The following FRMD5 variants were observed in gnomAD, a reference collection of about 807,000 sequenced individuals.
FRMD5 encodes FERM domain-containing protein 5.
A neutral mutation model predicts 69.0 loss-of-function variants in FRMD5; 20 were observed. The observed-to-expected ratio is 0.29, with a 90% CI of 0.20 to 0.42. The LOEUF is 0.42. FRMD5 is among the 10% of genes least tolerant of loss of function. FRMD5 has a pLI of 1.00. For missense variants in FRMD5, 595 were observed against 708.6 expected, an observed-to-expected ratio of 0.84 and a Z score of 1.82; for synonymous variants, 271 against 260.1, an observed-to-expected ratio of 1.04 and a Z score of -0.40.
At chr15:43,949,836 C>T (rs1379519350) in intron 1 of FRMD5, among the ~76,000 whole-genome samples, 1 of 152,062 alleles carries the variant, frequency 6.6e-6, no homozygotes, top group Non-Finnish European at 1.5e-5. Context: ...GAAGTGATCT[C>T]TCAAGTCGTG....
chr15:43,921,051 G>A (rs773673842), intron 2 of FRMD5, among the ~76,000 whole-genome samples: 21 of 152,160 alleles, frequency 1.4e-4, no homozygotes, highest in South Asian at 6.2e-4. Context: ...GAGTTCCCAC[G>A]AGGCTGGCAA....
At chr15:44,162,861 C>T (rs1369219488) in intron 1 of FRMD5, among the ~76,000 whole-genome samples, 1 of 127,482 alleles carries the variant, frequency 7.8e-6, no homozygotes, top group Non-Finnish European at 1.6e-5. Flanking sequence ...GAGCGAAACT[C>T]CGTCTCAAAA....
intron 4 of FRMD5, among the ~76,000 whole-genome samples, chr15:43,912,372 T>A (rs1290487849): frequency 6.6e-6 from 1 of 152,190 alleles, no homozygotes; most frequent in Non-Finnish European, 1.5e-5. Flanking sequence ...GTCTTCACTC[T>A]GCTTCCCACA....
chr15:44,104,003 T>C (rs1039588122), intron 1 of FRMD5, among the ~76,000 whole-genome samples: 3 of 152,190 alleles, frequency 2.0e-5, no homozygotes, highest in Middle Eastern at 6.3e-3. Flanking sequence ...ATAATAGCAA[T>C]GACTATTACT....
chr15:44,055,681 T>C (rs940275832), intron 1 of FRMD5, among the ~76,000 whole-genome samples: 1 of 152,200 alleles, frequency 6.6e-6, no homozygotes, highest in African/African-American at 2.4e-5. Context: ...AAAGTAGCTG[T>C]GGTGCTCTGT....
chr15:43,958,732 G>C (rs1595560538), intron 1 of FRMD5, among the ~76,000 whole-genome samples: 1 of 152,306 alleles, frequency 6.6e-6, no homozygotes, highest in East Asian at 1.9e-4. Context: ...ACAGGCGTGA[G>C]CCACCCTGCC....
intron 1 of FRMD5, among the ~76,000 whole-genome samples, chr15:43,993,517 A>G (rs1595598679): frequency 6.6e-6 from 1 of 152,156 alleles, no homozygotes; most frequent in African/African-American, 2.4e-5. Flanking sequence ...ACCCTGGAGA[A>G]TGTTCCATGT....
At chr15:43,989,624 T>C in intron 1 of FRMD5, 1 of 864,232 alleles carries the variant, frequency 1.2e-6, no homozygotes, top group Non-Finnish European at 2.0e-6. Flanking sequence ...CATGAGGTAG[T>C]CAGTCAGGTC....
At chr15:43,899,180 G>A (rs776783122) in intron 7 of FRMD5, among the ~76,000 whole-genome samples, 8 of 152,180 alleles carry the variant, frequency 5.3e-5, no homozygotes, top group African/African-American at 9.7e-5. Context: ...GCATTAAGGC[G>A]AGCACTTGAT....
At chr15:43,952,861 C>T (rs539805436) in intron 1 of FRMD5, among the ~76,000 whole-genome samples, 2 of 152,270 alleles carry the variant, frequency 1.3e-5, no homozygotes, top group South Asian at 4.1e-4. Flanking sequence ...ATTTGTTTGG[C>T]TCCTTGAGGA....
intron 1 of FRMD5, among the ~76,000 whole-genome samples, chr15:44,082,543 T>C (rs1894039563): frequency 6.6e-6 from 1 of 151,996 alleles, no homozygotes; most frequent in Non-Finnish European, 1.5e-5. Flanking sequence ...CCTTGTTTTA[T>C]ATGCCAAGAA....
At chr15:44,149,840 G>A (rs1198160670) in intron 1 of FRMD5, among the ~76,000 whole-genome samples, 1 of 151,982 alleles carries the variant, frequency 6.6e-6, no homozygotes, top group Non-Finnish European at 1.5e-5. Context: ...AGCAAAGACA[G>A]TATTAAAAAA....
At chr15:44,029,373 G>C (rs780930510) in intron 1 of FRMD5, among the ~76,000 whole-genome samples, 26 of 151,506 alleles carry the variant, frequency 1.7e-4, no homozygotes, top group Admixed American at 2.6e-4. Context: ...CGACCTTGCA[G>C]TCACAATAAG....
Position 44,127,596 on chromosome 15 carries a change from G to A in FRMD5, c.102+67357C>T, listed in dbSNP as rs187021881. Among the ~76,000 whole-genome samples, 504 of 152,144 alleles carry A rather than the reference G, an allele frequency of 3.3e-3. 1 individual carries two copies. The highest frequency in any genetic ancestry group is 6.5e-3 in the Admixed American group (100 of 15,274). ...TTTATTAATAAAAATAACCAGGCCG[G>A]GTGCAATGGCTCACAACCCGTAATG... On this transcript the variant is annotated intron_variant, in intron 1 of 13. Transcript: ENST00000417257.
chr15:44,188,729 A>T (rs187133355), intron 1 of FRMD5, among the ~76,000 whole-genome samples: 3 of 152,190 alleles, frequency 2.0e-5, no homozygotes, highest in East Asian at 3.9e-4. Flanking sequence ...CTGAATTGTG[A>T]CATAGTAAAA....
rs35512441 is a variant in FRMD5, at chr15:44,007,637, A to ATTTTTTTTT, written c.103-83337_103-83329dup. Among the ~76,000 whole-genome samples, 57 of 81,136 alleles carry ATTTTTTTTT rather than the reference A, an allele frequency of 7.0e-4. 1 individual carries two copies. The highest frequency in any genetic ancestry group is 8.2e-4 in the Non-Finnish European group (38 of 46,082). 53.2% of individuals were successfully genotyped at this position (81,136 alleles called of 152,430 possible). A position where few individuals can be genotyped will look rare whatever the true frequency, so the allele number is the denominator to read the frequency against. On this transcript the variant is annotated intron_variant, in intron 1 of 13. Transcript: ENST00000417257. ...TCTAATTTTTTTAATTAATTAACTAATTTTTTTTTTTTTTTTTTTTTTTTT... is the reference window on the plus strand; with the variant it reads ...TCTAATTTTTTTAATTAATTAACTAATTTTTTTTTTTTTTTTTTTTTTTTTTTTTTTTTT...
intron 1 of FRMD5, among the ~76,000 whole-genome samples, chr15:44,155,731 A>T (rs559467280): frequency 1.3e-5 from 2 of 150,144 alleles, no homozygotes; most frequent in East Asian, 2.0e-4. Context: ...GTAGCTGGGA[A>T]TACAGGCACC....
chr15:44,032,197 T>C (rs1891713846), intron 1 of FRMD5, among the ~76,000 whole-genome samples: 1 of 152,056 alleles, frequency 6.6e-6, no homozygotes, highest in Non-Finnish European at 1.5e-5. Flanking sequence ...TATACAAAAA[T>C]CAACTCAAGA....
chr15:44,075,561 A>G (rs916768108), intron 1 of FRMD5, among the ~76,000 whole-genome samples: 9 of 152,108 alleles, frequency 5.9e-5, no homozygotes, highest in African/African-American at 2.2e-4. Flanking sequence ...AATATAGGGA[A>G]TTTCTCCCTA....
Sources: gnomAD v4.1 joint callset for allele counts (sites outside exome capture counted in the v4.1 genomes callset) on GRCh38, gnomAD v4.1.1 for gene constraint, MANE v1.5 for transcripts, NCBI Gene and HGNC (gene_info 2026-07-23, HGNC 2026-07-21) for gene names.